The following SIGLEC8 variants were observed in gnomAD, a reference collection of about 807,000 sequenced individuals.
SIGLEC8 encodes sialic acid-binding Ig-like lectin 8.
In SIGLEC8, 32 loss-of-function variants were observed where a neutral mutation model predicts 42.1. The ratio of observed to expected loss-of-function variants is 0.76; its 90% CI spans 0.57 to 1.02. SIGLEC8 has a LOEUF of 1.02. Among genes scored for constraint, SIGLEC8 ranks in the 50% least tolerant of loss-of-function variants. The pLI is 0.00. For synonymous variants in SIGLEC8, 262 were observed against 260.3 expected (o/e 1.01, Z -0.06); for missense variants, 611 against 610.2 (o/e 1.00, Z -0.01).
Position 51,455,602 on chromosome 19 carries a change from G to C in SIGLEC8, c.867C>G (p.Pro289=). 2 of 1,614,172 alleles carry C rather than the reference G, an allele frequency of 1.2e-6. No homozygotes were observed. The highest frequency in any genetic ancestry group is 1.7e-6 in the Non-Finnish European group (2 of 1,180,014). The change falls in exon 4 of 7, where the codon CCC becomes CCG. Residue 289 remains proline, a synonymous_variant. Transcript: ENST00000321424. The stretch of plus-strand genomic sequence containing the variant: ...CCCGGGTCCAGCTCAGCCTGGCAGG[G>C]GGATTGCTGTTGACAGCACAGACCA... ...LRLVCAVNSN[P]PARLSWTRGS...
At chr19:51,456,618 T>C (rs1989498334) in intron 3 of SIGLEC8, among the ~76,000 whole-genome samples, 1 of 152,038 alleles carries the variant, frequency 6.6e-6, no homozygotes, top group African/African-American at 2.4e-5. Flanking sequence ...GAGGACGGGG[T>C]GGACAGTCTC....
chr19:51,454,560 C>T lies in SIGLEC8; in HGVS notation c.1148+124G>A, dbSNP rs753851323. 31 of 1,032,480 alleles carry T rather than the reference C, an allele frequency of 3.0e-5. No homozygotes were observed. The highest frequency in any genetic ancestry group is 9.6e-5 in the East Asian group (4 of 41,602). 64.0% of individuals were successfully genotyped at this position (1,032,480 alleles called of 1,614,324 possible). The stretch of plus-strand genomic sequence containing the variant: ...GCTCGTGAAATGCTCACCGTGCACC[C>T]GTGAGCTCATTCTTGCCCCAAGCCC... On this transcript the variant is annotated intron_variant, in intron 5 of 6. Coordinates refer to ENST00000321424, the MANE Select transcript of SIGLEC8 (RefSeq NM_014442.3). The surrounding 1 kb of genome is among the most constrained non-coding windows in gnomAD (Gnocchi z 4.7).
Position 51,453,892 on chromosome 19 carries a change from G to C in SIGLEC8, c.1245+327C>G, listed in dbSNP as rs111349975. On this transcript the variant is annotated intron_variant, in intron 6 of 6. Coordinates refer to ENST00000321424, the MANE Select transcript of SIGLEC8 (RefSeq NM_014442.3). ...CCCGCCAATAGGAAAAATAATGAGAGGGGTCAGGATGGCTGGGGCCAGGGA... is the reference window on the plus strand; with the variant it reads ...CCCGCCAATAGGAAAAATAATGAGACGGGTCAGGATGGCTGGGGCCAGGGA... The C allele has an allele frequency of 1.1e-5, 11 of 985,146 alleles. 1 individual carries two copies. In the African/African-American group the frequency reaches 1.9e-4, roughly 17 times the overall value. The allele number at this position is 985,146 out of a possible 1,614,324, so 61.0% of individuals were successfully genotyped here. A position where few individuals can be genotyped will look rare whatever the true frequency, so the allele number is the denominator to read the frequency against.
At chr19:51,457,147 CT>C in intron 3 of SIGLEC8, 36 bp downstream of exon 3, 1 of 1,596,614 alleles carries the variant, frequency 6.3e-7, no homozygotes. Flanking sequence ...GCTGAAGGCC[CT>C]GCTCCCCCAA....
intron 6 of SIGLEC8, chr19:51,453,540 C>T: frequency 7.0e-6 from 3 of 426,390 alleles, no homozygotes; most frequent in Non-Finnish European, 9.4e-6. Flanking sequence ...ACTAAAAATA[C>T]AAAAATTAGC....
At chr19:51,456,271 G>A (rs1262697738) in intron 3 of SIGLEC8, among the ~76,000 whole-genome samples, 3 of 152,138 alleles carry the variant, frequency 2.0e-5, no homozygotes, top group Non-Finnish European at 4.4e-5. Context: ...AATGGATCCA[G>A]AGAAAGAGGA....
rs1477240830 is a variant in SIGLEC8 at position 51,458,221 on chromosome 19, C to T, written c.167G>A (p.Trp56Ter). 5 of 1,614,148 alleles carry T rather than the reference C, an allele frequency of 3.1e-6. No homozygotes were observed. Among genetic ancestry groups the T allele is most frequent in the Middle Eastern group, 1.6e-4 (1 of 6,062 alleles). Residue 56 changes from tryptophan to a stop codon, truncating the protein, a stop_gained, in exon 1 of 7, where the codon TGG (tryptophan) becomes TAG (stop). Transcript: ENST00000321424. LOFTEE classifies it high-confidence loss of function. ...GCCATGAACTGGGTCAGAGTCAGTC[C>T]AGCCATCCTGGGGGTAGGAGAAGGA... is the stretch of plus-strand genomic sequence containing the variant. ...PCSFSYPQDGWTDSDPVHGYW... is the reference protein window; with the variant it reads ...PCSFSYPQDG
rs774807466 is a variant in SIGLEC8, at chr19:51,457,526, G to A, written c.668C>T (p.Thr223Ile). 26 of 1,613,924 alleles carry A rather than the reference G, an allele frequency of 1.6e-5. No individual in the cohort carries two copies. Among genetic ancestry groups the A allele is most frequent in the Non-Finnish European group, 1.7e-5 (20 of 1,180,034 alleles). ...TGTCCCAGGCAAGGTCACCTGACAG[G>A]TGAGGCTGGTGCCGTGGTCCTGGGG... Reference protein sequence around the residue: ...PKPQDHGTSLTCQVTLPGTGV... With the variant: ...PKPQDHGTSLICQVTLPGTGV... The change falls in exon 2 of 7, where the codon ACC (threonine) becomes ATC (isoleucine). Residue 223 changes from threonine to isoleucine, a missense_variant. By Grantham distance (89) the Thr-to-Ile change is moderately conservative. Coordinates refer to ENST00000321424, the MANE Select transcript of SIGLEC8 (RefSeq NM_014442.3).
chr19:51,451,234 TCCCCCAACA>T lies in SIGLEC8; in HGVS notation c.*1136_*1144del, dbSNP rs1465931265. On this transcript the variant is annotated 3_prime_UTR_variant, in exon 7 of 7. Coordinates refer to ENST00000321424, the MANE Select transcript of SIGLEC8 (RefSeq NM_014442.3). ...ATCCTATCACCTCCCACCAGGTCCC[TCCCCCAACA>T]CATGGGGATTATAATTCTGATTACA... 1 of 151,820 alleles carries T rather than the reference TCCCCCAACA, an allele frequency of 6.6e-6. No homozygotes were observed. Among genetic ancestry groups the T allele is most frequent in the Non-Finnish European group, 1.5e-5 (1 of 67,960 alleles). 9.4% of individuals were successfully genotyped at this position (151,820 alleles called of 1,614,324 possible).
At chr19:51,453,220 C>T (rs1178188128) in intron 6 of SIGLEC8, among the ~76,000 whole-genome samples, 1 of 152,024 alleles carries the variant, frequency 6.6e-6, no homozygotes, top group Non-Finnish European at 1.5e-5. Context: ...CCCCAAGTAG[C>T]TGGGACTGCA....
chr19:51,458,348 TC>T lies in SIGLEC8; in HGVS notation c.39del (p.Thr14GlnfsTer22). The T allele has an allele frequency of 6.2e-7, 1 of 1,613,796 alleles. No homozygotes were observed. Among genetic ancestry groups the T allele is most frequent in the Non-Finnish European group, 8.5e-7 (1 of 1,179,912 alleles). On this transcript the variant is annotated frameshift_variant, in exon 1 of 7. Transcript: ENST00000321424. LOFTEE classifies it high-confidence loss of function. ...LLLLLLPLLW[G>X]TKGMEGDRQY... ...TGTCTGTCTCCCTCCATCCCCTTTG[TC>T]CCCCAGAGCAGGGGCAGCAGCAGCA...
In SIGLEC8 at chr19:51,454,133, C is replaced by T; in HGVS notation, c.1245+86G>A. The T allele has an allele frequency of 3.8e-6, 6 of 1,585,982 alleles. No homozygotes were observed. Among genetic ancestry groups the T allele is most frequent in the East Asian group, 2.3e-5 (1 of 44,316 alleles). ...GGAGGAGACGAGGAAGTGACTTTGG[C>T]CATACCAAAGAGAGCGATCCTGGGG... is the stretch of plus-strand genomic sequence containing the variant. On this transcript the variant is annotated intron_variant, in intron 6 of 6. Transcript: ENST00000321424. This position sits in a 1 kb window ranked among gnomAD's most constrained non-coding sequence, Gnocchi z 4.7.
rs1325494973 is a variant in SIGLEC8, at chr19:51,458,102, A to C, written c.286T>G (p.Phe96Val). 5.0e-6 allele frequency: 8 copies of C among 1,614,136 alleles called. No homozygotes were observed. In the Admixed American group the frequency reaches 1.3e-4, roughly 27 times the overall value. Residue 96 changes from phenylalanine to valine, a missense_variant, in exon 1 of 7, where the codon TTC becomes GTC. Transcript: ENST00000321424. ...REVQAETQGR[F>V]QLLGDIWSND... The stretch of plus-strand genomic sequence containing the variant: ...CTCCAAATGTCCCCAAGGAGTTGGA[A>C]TCGGCCCTGGGTCTCTGCCTGCACT...
rs558965375 is a variant in SIGLEC8, at chr19:51,453,233, A to G, written c.1246-600T>C. On this transcript the variant is annotated intron_variant, in intron 6 of 6. Coordinates refer to ENST00000321424, the MANE Select transcript of SIGLEC8 (RefSeq NM_014442.3). ...CCCCCCAAGTAGCTGGGACTGCAGG[A>G]ACTCACCACCATGCCTGGTTAAGTT... Among the ~76,000 whole-genome samples, 3 of 151,928 alleles carry G rather than the reference A, an allele frequency of 2.0e-5. No individual in the cohort carries two copies. The East Asian group carries it at 5.8e-4, about 29-fold the overall frequency.
intron 6 of SIGLEC8, chr19:51,453,999 A>G: frequency 2.0e-6 from 2 of 985,272 alleles, no homozygotes; most frequent in Non-Finnish European, 2.4e-6. Flanking sequence ...AGGAGGACAG[A>G]GAGGAGATAA....
At position 51,457,240 on chromosome 19, in the gene SIGLEC8, G is replaced by C; in HGVS notation, c.734-9C>G. 1 of 1,612,340 alleles carries C rather than the reference G, an allele frequency of 6.2e-7. No homozygotes were observed. Among genetic ancestry groups the C allele is most frequent in the Non-Finnish European group, 8.5e-7 (1 of 1,178,806 alleles). On this transcript the variant is annotated splice_polypyrimidine_tract_variant and intron_variant, in intron 2 of 6. Coordinates refer to ENST00000321424, the MANE Select transcript of SIGLEC8 (RefSeq NM_014442.3). Reference sequence around the variant, plus strand: ...CAAGTTCCAAGGAGGGTCTGGGACAGAAAGACATGAAGACCCACATTACTA... The same window carrying C: ...CAAGTTCCAAGGAGGGTCTGGGACACAAAGACATGAAGACCCACATTACTA...
intron 3 of SIGLEC8, 56 bp downstream of exon 3, chr19:51,457,128 C>T: frequency 6.9e-7 from 1 of 1,456,948 alleles, no homozygotes; most frequent in Non-Finnish European, 9.6e-7. Flanking sequence ...AGACCCAGCC[C>T]CATCCTGAGC....
chr19:51,457,432 G>T (rs375808610), intron 2 of SIGLEC8, 29 bp downstream of exon 2: 13 of 1,612,460 alleles, frequency 8.1e-6, no homozygotes, highest in Middle Eastern at 1.8e-4. Flanking sequence ...AACCCATGAG[G>T]GACCTGGGCA....
At position 51,452,643 on chromosome 19, in the gene SIGLEC8, G is replaced by A; in HGVS notation, c.1246-10C>T. ...ATTCAGTCAGGGGTCCCTGGACAGA[G>A]AGAGAGAAGGGAGTCAGAACAGAGC... On this transcript the variant is annotated splice_polypyrimidine_tract_variant and intron_variant, in intron 6 of 6. Transcript: ENST00000321424. 1 of 1,509,060 alleles carries A rather than the reference G, an allele frequency of 6.6e-7. No individual in the cohort carries two copies. The highest frequency in any genetic ancestry group is 8.9e-7 in the Non-Finnish European group (1 of 1,125,414). The allele number at this position is 1,509,060 out of a possible 1,614,324, so 93.5% of individuals were successfully genotyped here. A position where few individuals can be genotyped will look rare whatever the true frequency, so the allele number is the denominator to read the frequency against.
Sources: allele counts gnomAD v4.1 joint callset (sites outside exome capture counted in the v4.1 genomes callset), GRCh38; gene constraint gnomAD v4.1.1; non-coding constraint Gnocchi (gnomAD v3.1); transcripts MANE v1.5; gene names NCBI Gene and HGNC (gene_info 2026-07-23, HGNC 2026-07-21).